RANBP2: variants seen among roughly 807,000 people sequenced by gnomAD.
RANBP2 encodes the protein RAN binding protein 2, also known as E3 SUMO-protein ligase RanBP2.
Under a neutral mutation model 303.6 loss-of-function variants are expected in RANBP2, and 57 were observed. The ratio of observed to expected loss-of-function variants is 0.19; its 90% CI spans 0.15 to 0.23. The LOEUF (loss-of-function observed/expected upper bound fraction) is 0.23. Among genes scored for constraint, RANBP2 ranks in the 10% least tolerant of loss-of-function variants. The pLI is 1.00. For synonymous variants in RANBP2, 1,167 were observed against 1,301.5 expected (o/e 0.90, Z 2.23); for missense variants, 3,138 against 3,780.8 (o/e 0.83, Z 4.46).
the RANBP2 span, among the ~76,000 whole-genome samples, chr2:109,196,525 G>T: frequency 6.6e-6 from 1 of 152,350 alleles, no homozygotes; most frequent in African/African-American, 2.4e-5. Context: ...CAGCTACTTA[G>T]CACCTGTGCT....
chr2:109,172,020 A>C, the RANBP2 span, among the ~76,000 whole-genome samples: 5 of 152,242 alleles, frequency 3.3e-5, no homozygotes, highest in Non-Finnish European at 2.9e-5. Context: ...GGCAGGGCCC[A>C]GCACTGTGGG....
At chr2:109,256,372 A>G in the RANBP2 span, among the ~76,000 whole-genome samples, 1 of 152,224 alleles carries the variant, frequency 6.6e-6, no homozygotes. Flanking sequence ...ACAGTGTGTC[A>G]TTAGGGATAT....
chr2:109,432,728 A>G, the RANBP2 span: 1 of 1,554,604 alleles, frequency 6.4e-7, no homozygotes, highest in Non-Finnish European at 8.7e-7. Flanking sequence ...TGCACGCCTT[A>G]CCGCTGTTGT....
chr2:109,072,063 A>AGT, the RANBP2 span, among the ~76,000 whole-genome samples: 1 of 152,216 alleles, frequency 6.6e-6, no homozygotes, highest in African/African-American at 2.4e-5. Flanking sequence ...AGCTGCCTCT[A>AGT]GTGTGTGTGA....
the RANBP2 span, among the ~76,000 whole-genome samples, chr2:109,131,781 C>T: frequency 6.6e-6 from 1 of 152,066 alleles, no homozygotes; most frequent in Non-Finnish European, 1.5e-5. Flanking sequence ...ATGTTGAGAC[C>T]CTTGGTTGAC....
the RANBP2 span, chr2:109,544,361 A>T: frequency 1.8e-5 from 28 of 1,552,990 alleles, no homozygotes; most frequent in Middle Eastern, 3.6e-4. Flanking sequence ...GGTACAATTT[A>T]AAAAAAATTC....
the RANBP2 span, among the ~76,000 whole-genome samples, chr2:109,536,653 A>C: frequency 2.0e-5 from 3 of 152,100 alleles, no homozygotes; most frequent in African/African-American, 7.2e-5. Flanking sequence ...GGAAGGCATG[A>C]TTGGTTTTGA....
chr2:108,825,693 A>G, the RANBP2 span, among the ~76,000 whole-genome samples: 4 of 152,168 alleles, frequency 2.6e-5, no homozygotes, highest in African/African-American at 4.8e-5. Flanking sequence ...TTATTTACCC[A>G]TATCACTTGA....
chr2:109,496,075 C>T, the RANBP2 span, among the ~76,000 whole-genome samples: 1 of 152,168 alleles, frequency 6.6e-6, no homozygotes, highest in African/African-American at 2.4e-5. Flanking sequence ...GGGTGGCCAG[C>T]TTTTATTCCC....
chr2:109,049,299 G>A, the RANBP2 span, among the ~76,000 whole-genome samples: 2 of 152,162 alleles, frequency 1.3e-5, no homozygotes, highest in African/African-American at 4.8e-5. Flanking sequence ...CTTTCTCTCC[G>A]TCTTGTCTTC....
the RANBP2 span, among the ~76,000 whole-genome samples, chr2:109,642,037 C>A: frequency 3.5e-3 from 538 of 152,256 alleles, 5 homozygotes; most frequent in African/African-American, 0.013. Context: ...AACTCCTGAC[C>A]TTGTGATCTG....
At chr2:109,054,751 C>G in the RANBP2 span, among the ~76,000 whole-genome samples, 1 of 151,894 alleles carries the variant, frequency 6.6e-6, no homozygotes, top group Non-Finnish European at 1.5e-5. Context: ...ATGTATACAC[C>G]TGTGTCACCT....
the RANBP2 span, among the ~76,000 whole-genome samples, chr2:109,006,326 T>G: frequency 6.6e-6 from 1 of 152,058 alleles, no homozygotes; most frequent in Non-Finnish European, 1.5e-5. Flanking sequence ...CCCAAGTAGC[T>G]GGGATTACAG....
chr2:109,066,785 A>C, the RANBP2 span, among the ~76,000 whole-genome samples: 1 of 152,058 alleles, frequency 6.6e-6, no homozygotes, highest in Admixed American at 6.5e-5. Context: ...GAGTTACAGG[A>C]GGAGATTATG....
the RANBP2 span, among the ~76,000 whole-genome samples, chr2:109,195,943 C>T: frequency 6.6e-6 from 1 of 152,200 alleles, no homozygotes; most frequent in Non-Finnish European, 1.5e-5. Flanking sequence ...CGCCCTGCAG[C>T]GAGAAGGGCC....
the RANBP2 span, chr2:109,543,235 C>T: frequency 6.6e-6 from 1 of 152,450 alleles, no homozygotes; most frequent in Admixed American, 6.5e-5. Flanking sequence ...AATGATTCAA[C>T]CTTATTATTT....
At chr2:109,209,447 T>C in the RANBP2 span, among the ~76,000 whole-genome samples, 1 of 152,150 alleles carries the variant, frequency 6.6e-6, no homozygotes, top group African/African-American at 2.4e-5. Flanking sequence ...AAGCTGCTTA[T>C]GTGATGCCAT....
the RANBP2 span, among the ~76,000 whole-genome samples, chr2:109,254,626 A>G: frequency 2.0e-5 from 3 of 152,202 alleles, no homozygotes; most frequent in Non-Finnish European, 4.4e-5. Context: ...AAGGTTGGTC[A>G]AATAGTTTCT....
the RANBP2 span, among the ~76,000 whole-genome samples, chr2:109,487,132 A>G: frequency 6.6e-6 from 1 of 152,186 alleles, no homozygotes; most frequent in African/African-American, 2.4e-5. Context: ...GCTCCTGAAC[A>G]TTGCTTGCTT....
Sources: gnomAD v4.1 joint callset for allele counts (sites outside exome capture counted in the v4.1 genomes callset) on GRCh38, gnomAD v4.1.1 for gene constraint, MANE v1.5 for transcripts, NCBI Gene and HGNC (gene_info 2026-07-23, HGNC 2026-07-21) for gene names.